ASRGL1: variants seen among roughly 807,000 people sequenced by gnomAD.
ASRGL1 encodes isoaspartyl peptidase/L-asparaginase.
ASRGL1 carries 16 observed loss-of-function variants against 22.4 expected under a neutral mutation model. The observed-to-expected ratio is 0.71, with a 90% CI of 0.48 to 1.08. The LOEUF (loss-of-function observed/expected upper bound fraction) is 1.08. Ranked by LOEUF, ASRGL1 falls within the 50% of genes least tolerant of loss-of-function variation. ASRGL1 has a pLI of 0.00. For missense variants in ASRGL1, 412 were observed against 410.1 expected (o/e 1.00, Z -0.04); for synonymous variants, 165 against 159.3 (o/e 1.04, Z -0.27).
At chr11:62,379,808 A>T (rs1054826533) in intron 4 of ASRGL1, among the ~76,000 whole-genome samples, 10 of 152,166 alleles carry the variant, frequency 6.6e-5, no homozygotes, top group Non-Finnish European at 8.8e-5. Flanking sequence ...GAAAACCCTG[A>T]GGAACAAAGG....
Position 62,362,744 on chromosome 11 carries a change from T to TTA in ASRGL1, c.491+5609_491+5610dup, listed in dbSNP as rs1212504944. The stretch of plus-strand genomic sequence containing the variant: ...TGTTATATATAAAATATAATATATA[T>TTA]TATATATATAAATTTATATATATAA... On this transcript the variant is annotated intron_variant, in intron 4 of 6. Transcript: ENST00000415229. 2.7e-3 allele frequency among the ~76,000 whole-genome samples: 281 copies of TTA among 105,530 alleles called. 4 individuals are homozygous for TTA. The highest frequency in any genetic ancestry group is 9.5e-3 in the African/African-American group (259 of 27,376). The allele number at this position is 105,530 out of a possible 152,430, so 69.2% of individuals were successfully genotyped here. A position where few individuals can be genotyped will look rare whatever the true frequency, so the allele number is the denominator to read the frequency against.
intron 4 of ASRGL1, chr11:62,372,685 G>T: frequency 8.3e-7 from 1 of 1,208,626 alleles, no homozygotes; most frequent in South Asian, 1.2e-5. Context: ...AGTGGCTATG[G>T]CTGGCTGGGC....
chr11:62,371,206 GC>G, intron 4 of ASRGL1: 2 of 1,255,456 alleles, frequency 1.6e-6, no homozygotes, highest in South Asian at 1.6e-5. Flanking sequence ...CCACGCCAGG[GC>G]CCAGGAAACG....
At chr11:62,400,041 A>G in the ASRGL1 span, among the ~76,000 whole-genome samples, 2 of 152,158 alleles carry the variant, frequency 1.3e-5, no homozygotes, top group African/African-American at 2.4e-5. Context: ...CCCATCCTCC[A>G]GAATGAGGTC....
intron 4 of ASRGL1, among the ~76,000 whole-genome samples, chr11:62,376,931 C>T (rs1946946548): frequency 6.6e-6 from 1 of 152,218 alleles, no homozygotes; most frequent in African/African-American, 2.4e-5. Context: ...TAAGTATCAA[C>T]TGTTACATGA....
chr11:62,388,883 TC>T (rs1407077613), intron 4 of ASRGL1, among the ~76,000 whole-genome samples: 2 of 152,044 alleles, frequency 1.3e-5, no homozygotes, highest in Non-Finnish European at 2.9e-5. Flanking sequence ...AAACTTAGCA[TC>T]ACAGCTAGAA....
chr11:62,391,671 A>AT (rs1258946381), intron 6 of ASRGL1, 39 bp downstream of exon 6: 3 of 1,561,128 alleles, frequency 1.9e-6, no homozygotes, highest in Non-Finnish European at 2.6e-6. Flanking sequence ...ATTTGTGAAG[A>AT]TAAGTGCATA....
At chr11:62,374,910 G>A (rs566714853) in intron 4 of ASRGL1, among the ~76,000 whole-genome samples, 3 of 152,200 alleles carry the variant, frequency 2.0e-5, no homozygotes, top group African/African-American at 7.2e-5. Flanking sequence ...CCCTGGACAG[G>A]TCTCTCCTGG....
intron 2 of ASRGL1, among the ~76,000 whole-genome samples, chr11:62,338,932 CA>C (rs576869521): frequency 1.4e-4 from 14 of 101,578 alleles, no homozygotes; most frequent in South Asian, 1.1e-3. Flanking sequence ...GAGACTATCT[CA>C]AAAAAAAAAA....
chr11:62,398,127 G>A (rs534709179), downstream of ASRGL1, among the ~76,000 whole-genome samples: 99 of 152,138 alleles, frequency 6.5e-4, no homozygotes, highest in Admixed American at 2.0e-3. Context: ...GCCATGCAGC[G>A]CTGGCCTGTG....
chr11:62,371,179 T>TCGGGCA (rs969753639), intron 4 of ASRGL1: 15 of 1,235,982 alleles, frequency 1.2e-5, no homozygotes, highest in Non-Finnish European at 1.5e-5. Flanking sequence ...GGAGCTGAGC[T>TCGGGCA]CGGGCAACGG....
chr11:62,384,035 C>CGT lies in ASRGL1; in HGVS notation c.492-5081_492-5080dup, dbSNP rs141968496. Among the ~76,000 whole-genome samples, 659 of 150,284 alleles carry CGT rather than the reference C, an allele frequency of 4.4e-3. 7 individuals are homozygous for CGT. The highest frequency in any genetic ancestry group is 0.025 in the South Asian group (118 of 4,768). On this transcript the variant is annotated intron_variant, in intron 4 of 6. Coordinates refer to ENST00000415229, the MANE Select transcript of ASRGL1 (RefSeq NM_001083926.2). ...GCATGTGTGTGTGTGCACGTGTGTGCGTGTGTGTGTGTGTGTGTTTGCCAT... is the reference window on the plus strand; with the variant it reads ...GCATGTGTGTGTGTGCACGTGTGTGCGTGTGTGTGTGTGTGTGTGTTTGCCAT...
chr11:62,367,746 A>T (rs1411538793), intron 4 of ASRGL1, among the ~76,000 whole-genome samples: 7 of 152,018 alleles, frequency 4.6e-5, no homozygotes, highest in Admixed American at 2.6e-4. Context: ...GTTCGAGACC[A>T]GCCTGGCCAA....
chr11:62,383,980 A>T (rs1456994494), intron 4 of ASRGL1, among the ~76,000 whole-genome samples: 1 of 151,630 alleles, frequency 6.6e-6, no homozygotes, highest in Non-Finnish European at 1.5e-5. Context: ...TGGAATAAAT[A>T]CATAACTTAT....
downstream of ASRGL1, among the ~76,000 whole-genome samples, chr11:62,395,153 A>G (rs187364556): frequency 1.5e-3 from 228 of 152,336 alleles, 1 homozygote; most frequent in Non-Finnish European, 2.5e-3. Context: ...ATTTTAGAGC[A>G]GAATTGTCCA....
chr11:62,373,870 C>G (rs897951071), intron 4 of ASRGL1, among the ~76,000 whole-genome samples: 1 of 152,206 alleles, frequency 6.6e-6, no homozygotes, highest in Non-Finnish European at 1.5e-5. Flanking sequence ...AAATGAAAAT[C>G]AGGTGATTAT....
intron 4 of ASRGL1, chr11:62,371,062 T>C: frequency 5.9e-6 from 3 of 507,664 alleles, no homozygotes; most frequent in South Asian, 3.8e-5. Context: ...AAAAAAGCCC[T>C]CCGATCCGTC....
At chr11:62,342,054 G>T (rs1479518165) in intron 2 of ASRGL1, among the ~76,000 whole-genome samples, 3 of 152,214 alleles carry the variant, frequency 2.0e-5, no homozygotes, top group Admixed American at 6.5e-5. Context: ...GAACAAAGGA[G>T]ACAGGGTTAT....
chr11:62,369,437 TC>T (rs1946705173), intron 4 of ASRGL1, among the ~76,000 whole-genome samples: 1 of 152,126 alleles, frequency 6.6e-6, no homozygotes, highest in Non-Finnish European at 1.5e-5. Flanking sequence ...CAGTCTGATC[TC>T]TCTTTTCCCC....
Sources: gnomAD v4.1 joint callset for allele counts (sites outside exome capture counted in the v4.1 genomes callset) on GRCh38, gnomAD v4.1.1 for gene constraint, MANE v1.5 for transcripts, NCBI Gene and HGNC (gene_info 2026-07-23, HGNC 2026-07-21) for gene names.